Variants in POGLUT3 observed in about 807,000 individuals in gnomAD.
POGLUT3 encodes KDEL (Lys-Asp-Glu-Leu) containing 2.
Under a neutral mutation model 54.3 loss-of-function variants are expected in POGLUT3, and 48 were observed. The ratio of observed to expected loss-of-function variants is 0.88; its 90% CI spans 0.70 to 1.12. The LOEUF is 1.12. Ranked by LOEUF, POGLUT3 falls within the 50% of genes most tolerant of loss-of-function variation. The pLI, the probability that POGLUT3 is intolerant of heterozygous loss-of-function variation, is 0.00. For missense variants in POGLUT3, 629 were observed against 618.7 expected (o/e 1.02, Z -0.18); for synonymous variants, 218 against 237.4 (o/e 0.92, Z 0.75).
chr11:108,473,272 G>C lies in POGLUT3; in HGVS notation c.*1555C>G, dbSNP rs529760134. On this transcript the variant is annotated 3_prime_UTR_variant, in exon 8 of 8. Coordinates refer to ENST00000323468, the MANE Select transcript of POGLUT3 (RefSeq NM_153705.5). ...GGGTTTCACCATGTTGGCCAGGCTG[G>C]TCTCAAACTCCTGACCTCAAAAGAT... The C allele has an allele frequency of 1.3e-5, 2 of 152,354 alleles. No individual in the cohort carries two copies. Among genetic ancestry groups the C allele is most frequent in the Admixed American group, 1.3e-4 (2 of 15,300 alleles). 9.4% of individuals were successfully genotyped at this position (152,354 alleles called of 1,614,324 possible).
At chr11:108,493,434 A>C (rs971393395) in intron 1 of POGLUT3, among the ~76,000 whole-genome samples, 3 of 152,254 alleles carry the variant, frequency 2.0e-5, no homozygotes, top group African/African-American at 7.2e-5. Flanking sequence ...GAAAATGAGA[A>C]GAGTGAAATT....
At chr11:108,484,321 C>T (rs2093598638) in intron 3 of POGLUT3, among the ~76,000 whole-genome samples, 1 of 152,154 alleles carries the variant, frequency 6.6e-6, no homozygotes, top group South Asian at 2.1e-4. Context: ...CCTTTAGGAG[C>T]AGATGCCCAT....
chr11:108,479,348 T>C lies in POGLUT3; in HGVS notation c.1246A>G (p.Ile416Val), dbSNP rs756136607. The C allele has an allele frequency of 2.7e-5, 44 of 1,612,082 alleles. No individual in the cohort carries two copies. The Admixed American group carries it at 6.9e-4, about 25-fold the overall frequency. Residue 416 changes from isoleucine (I) to valine (V), a missense_variant, in exon 6 of 8, where the codon ATT (isoleucine) becomes GTT (valine). Coordinates refer to ENST00000323468, the MANE Select transcript of POGLUT3 (RefSeq NM_153705.5). ...ALEPWKHYVP[I>V]KRNLSDLLEK... ...AATAAATCACTCAGATTTCTTTTAA[T>C]TGGAACATAATGCTTCCAAGGTTCT...
chr11:108,475,116 C>T (rs1282126356), intron 7 of POGLUT3, among the ~76,000 whole-genome samples, 164 bp from the exon 8 acceptor site: 1 of 152,134 alleles, frequency 6.6e-6, no homozygotes, highest in Non-Finnish European at 1.5e-5. Context: ...TACATTTTAA[C>T]TTTAGCTATC....
chr11:108,498,192 C>G lies in POGLUT3; in HGVS notation c.175G>C (p.Gly59Arg). The G allele has an allele frequency of 6.6e-7, 1 of 1,520,790 alleles. No individual in the cohort carries two copies. The allele number at this position is 1,520,790 out of a possible 1,614,324, so 94.2% of individuals were successfully genotyped here. ...GCGGGAGAGCGAGTGAGGTTCTGGC[C>G]CTCCGAGTTGACCGCCTGCAGGTAG... is the stretch of plus-strand genomic sequence containing the variant. ...YFYLQAVNSE[G>R]QNLTRSPAGE... Residue 59 changes from glycine to arginine, a missense_variant, in exon 1 of 8, where the codon GGC becomes CGC. Physicochemically the swap from Gly to Arg is moderately radical, Grantham distance 125. Coordinates refer to ENST00000323468, the MANE Select transcript of POGLUT3 (RefSeq NM_153705.5).
In POGLUT3 at chr11:108,486,314, T is replaced by G; in HGVS notation, c.527A>C (p.Gln176Pro). ...TTTGGGGACTTCTTTTAGCATTTGC[T>G]GGAGATTGATGCTGGGAAAGGAAGC... ...DFASFPSINL[Q>P]QMLKEVPKRF... The change falls in exon 3 of 8, where the codon CAG (glutamine) becomes CCG (proline). Residue 176 changes from glutamine (Q) to proline (P), a missense_variant. By Grantham distance (76) the Gln-to-Pro change is moderately conservative. Transcript: ENST00000323468. 6.2e-7 allele frequency: 1 copy of G among 1,614,164 alleles called. No homozygotes were observed. The highest frequency in any genetic ancestry group is 1.1e-5 in the South Asian group (1 of 91,078).
chr11:108,478,090 G>A (rs1591639460), intron 6 of POGLUT3: 1 of 212,808 alleles, frequency 4.7e-6, no homozygotes, highest in Non-Finnish European at 9.3e-6. Flanking sequence ...AGAGGTTGCA[G>A]TGAGTGGAGA....
At chr11:108,481,502 A>G in intron 4 of POGLUT3, 126 bp from the exon 5 acceptor site, 1 of 707,826 alleles carries the variant, frequency 1.4e-6, no homozygotes, top group Non-Finnish European at 2.1e-6. Context: ...CTCATCTTCT[A>G]AAGTAGATGT....
intron 1 of POGLUT3, chr11:108,491,596 C>T: frequency 5.2e-6 from 1 of 192,730 alleles, no homozygotes; most frequent in Non-Finnish European, 1.1e-5. Flanking sequence ...CTGTGTTGCC[C>T]AGGCTGATCT....
intron 3 of POGLUT3, among the ~76,000 whole-genome samples, chr11:108,483,459 A>G (rs558199825): frequency 3.3e-5 from 5 of 152,252 alleles, no homozygotes; most frequent in African/African-American, 1.2e-4. Flanking sequence ...CTTGAGGCCT[A>G]TCATCATATT....
intron 1 of POGLUT3, among the ~76,000 whole-genome samples, chr11:108,497,855 G>A (rs1320630644): frequency 6.6e-6 from 1 of 152,214 alleles, no homozygotes; most frequent in African/African-American, 2.4e-5. Context: ...AGTCCGAGAT[G>A]GAAGGCAACG....
At chr11:108,488,410 C>A (rs1009821937) in intron 2 of POGLUT3, among the ~76,000 whole-genome samples, 2 of 152,266 alleles carry the variant, frequency 1.3e-5, no homozygotes, top group East Asian at 3.9e-4. Flanking sequence ...GTAAGCCCTA[C>A]AATTCCTACA....
intron 3 of POGLUT3, among the ~76,000 whole-genome samples, chr11:108,484,402 G>A (rs1270687577): frequency 6.6e-6 from 1 of 152,166 alleles, no homozygotes; most frequent in Non-Finnish European, 1.5e-5. Flanking sequence ...AGTAAGAACT[G>A]ACTGCAGCCA....
chr11:108,488,519 C>A (rs972176791), intron 2 of POGLUT3, among the ~76,000 whole-genome samples: 6 of 152,132 alleles, frequency 3.9e-5, no homozygotes, highest in Non-Finnish European at 8.8e-5. Flanking sequence ...AGCTGGCAGT[C>A]CAGGGAGACC....
chr11:108,478,934 G>A (rs2093587360), intron 6 of POGLUT3, among the ~76,000 whole-genome samples: 1 of 152,132 alleles, frequency 6.6e-6, no homozygotes, highest in Admixed American at 6.5e-5. Context: ...TCTAACTGGG[G>A]ATAAGAAAAG....
intron 7 of POGLUT3, among the ~76,000 whole-genome samples, chr11:108,476,033 G>C (rs1389839905): frequency 1.3e-5 from 2 of 152,142 alleles, no homozygotes; most frequent in Non-Finnish European, 2.9e-5. Context: ...GCTACTAGTG[G>C]GAGGCTGAGG....
chr11:108,479,944 G>A (rs2135848737), intron 5 of POGLUT3, among the ~76,000 whole-genome samples: 1 of 152,036 alleles, frequency 6.6e-6, no homozygotes, highest in Admixed American at 6.6e-5. Context: ...TACAATTCTG[G>A]TGCCTCAGCC....
chr11:108,474,845 A>C lies in POGLUT3; in HGVS notation c.1506T>G (p.Pro502=). ...GGCTGACTCAAAGTTCTTCTCTTGA[A>C]GGCTTTTTCCTGTGGCACTGGCAGA... is the stretch of plus-strand genomic sequence containing the variant. ...TAICQCHRKK[P]SREEL is the part of the protein sequence containing the mutation. The change falls in exon 8 of 8, where the codon CCT becomes CCG. Residue 502 remains proline (P), a synonymous_variant. Coordinates refer to ENST00000323468, the MANE Select transcript of POGLUT3 (RefSeq NM_153705.5). 6.2e-7 allele frequency: 1 copy of C among 1,614,108 alleles called. No homozygotes were observed. Among genetic ancestry groups the C allele is most frequent in the Non-Finnish European group, 8.5e-7 (1 of 1,180,016 alleles).
At chr11:108,478,634 T>A (rs951626893) in intron 6 of POGLUT3, among the ~76,000 whole-genome samples, 1 of 152,194 alleles carries the variant, frequency 6.6e-6, no homozygotes, top group Non-Finnish European at 1.5e-5. Flanking sequence ...TGGAAAACAG[T>A]TAATCTTCTA....
Sources: gnomAD v4.1 joint callset for allele counts (sites outside exome capture counted in the v4.1 genomes callset) on GRCh38, gnomAD v4.1.1 for gene constraint, MANE v1.5 for transcripts, NCBI Gene and HGNC (gene_info 2026-07-23, HGNC 2026-07-21) for gene names.